Variants in SNTG1 observed in about 807,000 individuals in gnomAD.
SNTG1 encodes syntrophin gamma 1, also known as gamma-1-syntrophin.
A neutral mutation model predicts 74.7 loss-of-function variants in SNTG1; 39 were observed. That is an observed-to-expected ratio of 0.52 (90% confidence interval 0.40 to 0.68). The LOEUF is 0.68. Among genes scored for constraint, SNTG1 ranks in the 30% least tolerant of loss-of-function variants. The pLI is 0.00. For synonymous variants in SNTG1, 254 were observed against 217.1 expected (o/e 1.17, Z -1.49); for missense variants, 685 against 609.5 (o/e 1.12, Z -1.30).
intron 1 of SNTG1, among the ~76,000 whole-genome samples, chr8:49,968,747 C>T (rs951468491): frequency 2.6e-5 from 4 of 152,054 alleles, no homozygotes; most frequent in Non-Finnish European, 5.9e-5. Context: ...AGAGGACCTC[C>T]CAGGCAAGCA....
At chr8:50,057,188 G>A (rs1057465179) in intron 1 of SNTG1, among the ~76,000 whole-genome samples, 1 of 151,998 alleles carries the variant, frequency 6.6e-6, no homozygotes, top group Non-Finnish European at 1.5e-5. Flanking sequence ...TCAGAACGTG[G>A]TGTTCTCCTA....
At chr8:50,570,591 G>GTTATTA (rs61229968) in intron 12 of SNTG1, among the ~76,000 whole-genome samples, 164 of 130,150 alleles carry the variant, frequency 1.3e-3, no homozygotes, top group Middle Eastern at 4.1e-3. Context: ...TATTATTGTT[G>GTTATTA]TTATTATTAT....
At chr8:50,293,417 C>CCT (rs2089217456) in intron 2 of SNTG1, among the ~76,000 whole-genome samples, 5 of 118,662 alleles carry the variant, frequency 4.2e-5, no homozygotes, top group African/African-American at 1.2e-4. Context: ...TTTTTTTTTT[C>CCT]TTTTTTTTTT....
intron 2 of SNTG1, among the ~76,000 whole-genome samples, chr8:50,340,169 C>T (rs1157222234): frequency 6.6e-6 from 1 of 151,946 alleles, no homozygotes; most frequent in Non-Finnish European, 1.5e-5. Flanking sequence ...AGTTTCAACA[C>T]AATCTCAGTC....
intron 2 of SNTG1, among the ~76,000 whole-genome samples, chr8:50,310,721 T>A (rs1453659735): frequency 6.6e-6 from 1 of 152,080 alleles, no homozygotes; most frequent in African/African-American, 2.4e-5. Context: ...AATAAATAAA[T>A]AAATGTAAGT....
At chr8:50,705,970 A>G (rs900802577) in intron 16 of SNTG1, among the ~76,000 whole-genome samples, 6 of 152,262 alleles carry the variant, frequency 3.9e-5, no homozygotes, top group Non-Finnish European at 8.8e-5. Context: ...GTGGTGAATA[A>G]TCTAGCATTG....
At chr8:50,287,786 C>T (rs770669458) in intron 2 of SNTG1, among the ~76,000 whole-genome samples, 2 of 152,120 alleles carry the variant, frequency 1.3e-5, no homozygotes, top group African/African-American at 4.8e-5. Context: ...ACTCATCTAT[C>T]TCCTCATGGT....
At chr8:50,024,890 G>T (rs1463985362) in intron 1 of SNTG1, among the ~76,000 whole-genome samples, 1 of 152,040 alleles carries the variant, frequency 6.6e-6, no homozygotes, top group Non-Finnish European at 1.5e-5. Flanking sequence ...ATGTCCCGTG[G>T]CAAGACGGAC....
At chr8:50,390,902 A>T (rs2092648805) in intron 2 of SNTG1, among the ~76,000 whole-genome samples, 1 of 152,030 alleles carries the variant, frequency 6.6e-6, no homozygotes, top group African/African-American at 2.4e-5. Context: ...AATGCTTGTG[A>T]TTTTTGCACA....
intron 2 of SNTG1, among the ~76,000 whole-genome samples, chr8:50,291,865 T>C (rs1171497298): frequency 6.6e-6 from 1 of 152,162 alleles, no homozygotes; most frequent in African/African-American, 2.4e-5. Context: ...GACATGTTGA[T>C]GGATCTGATC....
chr8:50,261,006 C>T (rs932208742), intron 2 of SNTG1, among the ~76,000 whole-genome samples: 1 of 152,104 alleles, frequency 6.6e-6, no homozygotes, highest in Admixed American at 6.6e-5. Flanking sequence ...AGTGACAACT[C>T]TTTTACAAGA....
intron 1 of SNTG1, among the ~76,000 whole-genome samples, chr8:49,963,230 C>T (rs1488464999): frequency 6.6e-6 from 1 of 152,170 alleles, no homozygotes; most frequent in Non-Finnish European, 1.5e-5. Flanking sequence ...GGAAGCAAAG[C>T]GCCAAGACAT....
intron 15 of SNTG1, among the ~76,000 whole-genome samples, chr8:50,659,491 C>T (rs918860324): frequency 2.0e-5 from 3 of 152,088 alleles, no homozygotes. Flanking sequence ...AATGCTGAAA[C>T]ATTTAAAATA....
intron 8 of SNTG1, among the ~76,000 whole-genome samples, chr8:50,483,386 A>G (rs2093756916): frequency 6.6e-6 from 1 of 151,860 alleles, no homozygotes; most frequent in Non-Finnish European, 1.5e-5. Context: ...TATATTTGGG[A>G]TATACACATC....
chr8:50,428,392 A>G (rs529356745), intron 4 of SNTG1, among the ~76,000 whole-genome samples: 107 of 152,340 alleles, frequency 7.0e-4, no homozygotes, highest in South Asian at 1.5e-3. Flanking sequence ...ATTTCAATCC[A>G]GAGAATTCAC....
chr8:50,761,692 C>T (rs1405803958), intron 18 of SNTG1, among the ~76,000 whole-genome samples: 1 of 151,622 alleles, frequency 6.6e-6, no homozygotes, highest in Non-Finnish European at 1.5e-5. Flanking sequence ...ATCTCCTCTA[C>T]TTTAATCCTT....
chr8:49,944,935 C>G (rs941274555), intron 1 of SNTG1, among the ~76,000 whole-genome samples: 1 of 151,994 alleles, frequency 6.6e-6, no homozygotes, highest in Admixed American at 6.6e-5. Context: ...CTACATGCGC[C>G]CACCACAATG....
intron 13 of SNTG1, among the ~76,000 whole-genome samples, chr8:50,633,263 G>A (rs981337182): frequency 2.0e-5 from 3 of 152,158 alleles, no homozygotes; most frequent in Non-Finnish European, 4.4e-5. Context: ...GGTTCTTCAC[G>A]TGGGGCCATC....
chr8:50,464,378 G>A (rs2093591818), intron 8 of SNTG1, among the ~76,000 whole-genome samples: 1 of 152,092 alleles, frequency 6.6e-6, no homozygotes, highest in Non-Finnish European at 1.5e-5. Flanking sequence ...TTGATTTAAA[G>A]TGAGAGGTGT....
Sources: allele counts gnomAD v4.1 joint callset (sites outside exome capture counted in the v4.1 genomes callset), GRCh38; gene constraint gnomAD v4.1.1; transcripts MANE v1.5; gene names NCBI Gene and HGNC (gene_info 2026-07-23, HGNC 2026-07-21).